Variants in MAP4K4 observed in about 807,000 individuals in gnomAD.
MAP4K4 encodes mitogen-activated protein kinase kinase kinase kinase 4, also known as HPK/GCK-like kinase HGK.
Under a neutral mutation model 189.6 loss-of-function variants are expected in MAP4K4, and 38 were observed. That is an observed-to-expected ratio of 0.20 (90% CI 0.15 to 0.26). The LOEUF is 0.26. Ranked by LOEUF, MAP4K4 falls within the 10% of genes least tolerant of loss-of-function variation. The probability of loss-of-function intolerance (pLI) is 1.00; values close to 1 mark genes in which losing one functional copy is unlikely to be tolerated. For synonymous variants in MAP4K4, 610 were observed against 624.3 expected (o/e 0.98, Z 0.34); for missense variants, 1,054 against 1,726.9 (o/e 0.61, Z 6.91).
intron 27 of MAP4K4, 92 bp downstream of exon 27, chr2:101,877,238 T>G: frequency 7.8e-7 from 1 of 1,282,336 alleles, no homozygotes. Context: ...CATTCACTGA[T>G]GTACTGGCTA....
chr2:101,751,715 A>C (rs921749094), intron 2 of MAP4K4, among the ~76,000 whole-genome samples: 51 of 152,216 alleles, frequency 3.4e-4, no homozygotes, highest in African/African-American at 1.1e-3. Flanking sequence ...CTGAAACTAA[A>C]CTGGCTTTCA....
At chr2:101,710,270 T>C (rs1559041306) in intron 2 of MAP4K4, among the ~76,000 whole-genome samples, 1 of 152,234 alleles carries the variant, frequency 6.6e-6, no homozygotes, top group Non-Finnish European at 1.5e-5. Context: ...CTAGGGCCAT[T>C]CCAGTTTGAA....
At chr2:101,788,839 C>CTAAG (rs2092279966) in intron 2 of MAP4K4, among the ~76,000 whole-genome samples, 1 of 151,842 alleles carries the variant, frequency 6.6e-6, no homozygotes, top group Non-Finnish European at 1.5e-5. Context: ...TTCTGTTGCT[C>CTAAG]CTTATGGCTT....
intron 2 of MAP4K4, among the ~76,000 whole-genome samples, chr2:101,765,499 AT>A (rs1382922281): frequency 6.6e-6 from 1 of 151,812 alleles, no homozygotes; most frequent in African/African-American, 2.4e-5. Flanking sequence ...TAATTTTTGT[AT>A]TTTTTGTAGA....
At chr2:101,741,316 C>T (rs1414439873) in intron 2 of MAP4K4, among the ~76,000 whole-genome samples, 3 of 151,780 alleles carry the variant, frequency 2.0e-5, no homozygotes, top group African/African-American at 4.8e-5. Context: ...TACAGGCGCC[C>T]GCCACCATGC....
In MAP4K4 at chr2:101,783,206, A is replaced by G. The variant is rs185170141; in HGVS notation, c.124-7514A>G. Among the ~76,000 whole-genome samples, 603 of 134,304 alleles carry G rather than the reference A, an allele frequency of 4.5e-3. 3 individuals are homozygous for G. The highest frequency in any genetic ancestry group is 7.1e-3 in the Admixed American group (105 of 14,714). 88.1% of individuals were successfully genotyped at this position (134,304 alleles called of 152,430 possible). A position where few individuals can be genotyped will look rare whatever the true frequency, so the allele number is the denominator to read the frequency against. On this transcript the variant is annotated intron_variant, in intron 2 of 32. Coordinates refer to ENST00000324219, the Ensembl canonical transcript of MAP4K4. ...GGATTTCTTTCTAATCTGTAAAATC[A>G]CCATTTTGTTGAAGTAGGCTTGCCT...
rs1308121112 is a variant in MAP4K4 at position 101,755,932 on chromosome 2, T to TC, written c.124-34788_124-34787insC. Among the ~76,000 whole-genome samples the TC allele has an allele frequency of 5.9e-5, 5 of 84,830 alleles. No individual in the cohort carries two copies. The African/African-American group carries it at 8.4e-4, about 14-fold the overall frequency. 55.7% of individuals were successfully genotyped at this position (84,830 alleles called of 152,430 possible). On this transcript the variant is annotated intron_variant, in intron 2 of 32. Coordinates refer to ENST00000324219, the Ensembl canonical transcript of MAP4K4. Reference sequence around the variant, plus strand: ...ATTTATAGTATGAGTTCTTTTTCTTTTTTTTTTTTTTTTTTTTTTTTTTTT... The same window carrying TC: ...ATTTATAGTATGAGTTCTTTTTCTTTCTTTTTTTTTTTTTTTTTTTTTTTTT...
chr2:101,788,591 G>A lies in MAP4K4; in HGVS notation c.124-2129G>A, dbSNP rs182988676. On this transcript the variant is annotated intron_variant, in intron 2 of 32. Coordinates refer to ENST00000324219, the Ensembl canonical transcript of MAP4K4. ...AAATTTAAAATGGATCTAATTTGGAGACCTAGTAAGTGATAATGAAGACTG... is the reference window on the plus strand; with the variant it reads ...AAATTTAAAATGGATCTAATTTGGAAACCTAGTAAGTGATAATGAAGACTG... 4.6e-5 allele frequency among the ~76,000 whole-genome samples: 7 copies of A among 152,302 alleles called. No homozygotes were observed. The South Asian group carries it at 1.0e-3, about 23-fold the overall frequency.
At chr2:101,803,341 T>G (rs188682329) in intron 3 of MAP4K4, among the ~76,000 whole-genome samples, 2 of 152,220 alleles carry the variant, frequency 1.3e-5, no homozygotes, top group Admixed American at 1.3e-4. Context: ...TGAAACTATT[T>G]GATGATTAAA....
intron 2 of MAP4K4, among the ~76,000 whole-genome samples, chr2:101,699,312 TGA>T (rs1402488654): frequency 1.3e-5 from 2 of 152,234 alleles, no homozygotes; most frequent in African/African-American, 2.4e-5. Flanking sequence ...ATCTGGAGAC[TGA>T]GTCTGCGCTG....
intron 2 of MAP4K4, among the ~76,000 whole-genome samples, chr2:101,740,534 T>C (rs1275307114): frequency 2.6e-5 from 4 of 152,320 alleles, no homozygotes; most frequent in Non-Finnish European, 4.4e-5. Context: ...TAATTTATTA[T>C]ATAAATCTGG....
At position 101,721,528 on chromosome 2, in the gene MAP4K4, C is replaced by T. The variant is rs139359443; in HGVS notation, c.123+22990C>T. On this transcript the variant is annotated intron_variant, in intron 2 of 32. Transcript: ENST00000324219. The stretch of plus-strand genomic sequence containing the variant: ...TCGGCTCACTGCAGCCTCCGCCTCC[C>T]GGGTTCAAGCGATTCTCCTGCCTCG... Among the ~76,000 whole-genome samples the T allele has an allele frequency of 1.9e-4, 29 of 151,822 alleles. No individual in the cohort carries two copies. In the East Asian group the frequency reaches 5.0e-3, roughly 26 times the overall value.
intron 2 of MAP4K4, among the ~76,000 whole-genome samples, chr2:101,777,497 G>A (rs545780965): frequency 8.0e-4 from 121 of 152,032 alleles, no homozygotes; most frequent in Non-Finnish European, 1.5e-3. Flanking sequence ...ACAAGGTCCC[G>A]CAGGGCGAGT....
chr2:101,806,762 G>A (rs1437105017), intron 3 of MAP4K4, among the ~76,000 whole-genome samples: 1 of 152,190 alleles, frequency 6.6e-6, no homozygotes, highest in Non-Finnish European at 1.5e-5. Context: ...CCTGAAGCTA[G>A]AACTGAAGAA....
At chr2:101,732,562 A>G (rs1219037283) in intron 2 of MAP4K4, among the ~76,000 whole-genome samples, 1 of 152,004 alleles carries the variant, frequency 6.6e-6, no homozygotes. Flanking sequence ...CATGGCTTCC[A>G]GTACCTGTTA....
At chr2:101,871,813 AC>A in intron 24 of MAP4K4, 128 bp downstream of exon 24, 1 of 805,418 alleles carries the variant, frequency 1.2e-6, no homozygotes. Flanking sequence ...TCTGTCACCT[AC>A]CCTTCTCCCC....
chr2:101,873,873 T>C (rs1577192796), intron 25 of MAP4K4, 109 bp downstream of exon 25: 2 of 844,202 alleles, frequency 2.4e-6, no homozygotes, highest in East Asian at 5.3e-5. Flanking sequence ...AGACCTCGGG[T>C]ACAGAAACTT....
intron 2 of MAP4K4, among the ~76,000 whole-genome samples, chr2:101,787,840 G>C (rs2091908756): frequency 1.5e-5 from 2 of 135,036 alleles, no homozygotes; most frequent in African/African-American, 5.8e-5. Flanking sequence ...GTCTCGCTCT[G>C]TCACCCAGGC....
chr2:101,804,334 T>C (rs2094687484), intron 3 of MAP4K4, among the ~76,000 whole-genome samples: 1 of 152,192 alleles, frequency 6.6e-6, no homozygotes, highest in Non-Finnish European at 1.5e-5. Context: ...TTAGGTGATG[T>C]TTAGAACTAT....
Sources: gnomAD v4.1 joint callset for allele counts (sites outside exome capture counted in the v4.1 genomes callset) on GRCh38, gnomAD v4.1.1 for gene constraint, MANE v1.5 for transcripts, NCBI Gene and HGNC (gene_info 2026-07-23, HGNC 2026-07-21) for gene names.